Variants in SH2D4A observed in about 807,000 individuals in gnomAD.
SH2D4A encodes the protein SH2 domain containing 4A.
Under a neutral mutation model 64.7 loss-of-function variants are expected in SH2D4A, and 70 were observed. The observed-to-expected ratio is 1.08, with a 90% confidence interval of 0.89 to 1.32. SH2D4A has a LOEUF of 1.32. Ranked by LOEUF, SH2D4A falls within the 40% of genes most tolerant of loss-of-function variation. The pLI, the probability that SH2D4A is intolerant of heterozygous loss-of-function variation, is 0.00. For missense variants in SH2D4A, 706 were observed against 540.1 expected, an observed-to-expected ratio of 1.31 and a Z score of -3.04; for synonymous variants, 268 against 200.7, an observed-to-expected ratio of 1.34 and a Z score of -2.83.
At chr8:19,324,997 T>G (rs61034080) in intron 2 of SH2D4A, among the ~76,000 whole-genome samples, 81,381 of 151,942 alleles carry the variant, frequency 0.54, 23,180 homozygotes, top group Non-Finnish European at 0.62. Context: ...GAGTGTTGGT[T>G]GCCTGGTGAG....
chr8:19,328,098 C>G, intron 2 of SH2D4A, among the ~76,000 whole-genome samples: 1 of 152,116 alleles, frequency 6.6e-6, no homozygotes. Context: ...TCAATCAGGA[C>G]TCTCTTTTCC....
At chr8:19,384,759 T>C (rs1166407014) in intron 8 of SH2D4A, among the ~76,000 whole-genome samples, 3 of 152,150 alleles carry the variant, frequency 2.0e-5, no homozygotes, top group Non-Finnish European at 4.4e-5. Flanking sequence ...AAAGAATAAA[T>C]AAAATTGAGA....
At chr8:19,355,062 A>G (rs1393653621) in intron 4 of SH2D4A, among the ~76,000 whole-genome samples, 6 of 152,344 alleles carry the variant, frequency 3.9e-5, no homozygotes, top group Admixed American at 3.3e-4. Context: ...AAATGAAAGT[A>G]TGATAAGTAG....
rs935184413 is a variant in SH2D4A, at chr8:19,395,681, C to G, written c.*1039C>G. The stretch of plus-strand genomic sequence containing the variant: ...GAAGGGAAGGGACACCAAGGATCTC[C>G]GGCCACCAGCAGAAGCCAGCAGAGA... On this transcript the variant is annotated 3_prime_UTR_variant, in exon 10 of 10. Coordinates refer to ENST00000265807, the MANE Select transcript of SH2D4A (RefSeq NM_022071.4). 7 of 152,148 alleles carry G rather than the reference C, an allele frequency of 4.6e-5. No homozygotes were observed. Among genetic ancestry groups the G allele is most frequent in the African/African-American group, 1.7e-4 (7 of 41,422 alleles). The allele number at this position is 152,148 out of a possible 1,614,324, so 9.4% of individuals were successfully genotyped here.
rs369286665 is a variant in SH2D4A, at chr8:19,351,854, G to A, written c.514-5349G>A. Among the ~76,000 whole-genome samples, 12 of 152,098 alleles carry A rather than the reference G, an allele frequency of 7.9e-5. No individual in the cohort carries two copies. In the East Asian group the frequency reaches 1.8e-3, roughly 22 times the overall value. On this transcript the variant is annotated intron_variant, in intron 4 of 9. Transcript: ENST00000265807. Reference sequence around the variant, plus strand: ...GCTGGAGTGCAGTGGTGAGATCTTGGCTCACTGCAACCTCTGCCTCTCGGG... The same window carrying A: ...GCTGGAGTGCAGTGGTGAGATCTTGACTCACTGCAACCTCTGCCTCTCGGG...
At chr8:19,387,711 C>G (rs1384295306) in intron 8 of SH2D4A, among the ~76,000 whole-genome samples, 2 of 152,190 alleles carry the variant, frequency 1.3e-5, no homozygotes, top group Non-Finnish European at 2.9e-5. Flanking sequence ...AAATCTGAGT[C>G]TCCCCATTAA....
At chr8:19,372,020 G>A (rs1382857970) in intron 7 of SH2D4A, among the ~76,000 whole-genome samples, 1 of 151,988 alleles carries the variant, frequency 6.6e-6, no homozygotes, top group Non-Finnish European at 1.5e-5. Flanking sequence ...ATGACTTTAG[G>A]CTTGACCTGT....
chr8:19,384,218 A>G (rs1272571181), intron 8 of SH2D4A, among the ~76,000 whole-genome samples: 1 of 152,334 alleles, frequency 6.6e-6, no homozygotes, highest in East Asian at 1.9e-4. Flanking sequence ...ATTTGGAAGG[A>G]CAGAGGGTCA....
rs750399066 is a variant in SH2D4A, at chr8:19,394,586, C to T, written c.1309C>T (p.Leu437Phe). ...CACTTCCCTGGGGAAGGAGCTCCTT[C>T]TCTATCCCTGTGGTCAGCAGGACCA... Reference protein sequence around the residue: ...PITSLGKELLLYPCGQQDQLP... With the variant: ...PITSLGKELLFYPCGQQDQLP... Residue 437 changes from leucine to phenylalanine, a missense_variant, in exon 10 of 10, where the codon CTC (leucine) becomes TTC (phenylalanine). Leu to Phe is a conservative substitution (Grantham distance 22). Coordinates refer to ENST00000265807, the MANE Select transcript of SH2D4A (RefSeq NM_022071.4). The T allele has an allele frequency of 2.5e-6, 4 of 1,608,316 alleles. No individual in the cohort carries two copies. Among genetic ancestry groups the T allele is most frequent in the African/African-American group, 1.3e-5 (1 of 74,902 alleles).
chr8:19,346,002 A>C (rs1453581911), intron 4 of SH2D4A, among the ~76,000 whole-genome samples: 1 of 152,250 alleles, frequency 6.6e-6, no homozygotes, highest in Non-Finnish European at 1.5e-5. Context: ...CTATGCACGC[A>C]TGACAATCTT....
chr8:19,334,949 G>A, intron 4 of SH2D4A, 92 bp downstream of exon 4: 1 of 1,418,522 alleles, frequency 7.0e-7, no homozygotes, highest in Non-Finnish European at 9.4e-7. Context: ...TGAGTGTCAG[G>A]ATCCTCCAGT....
chr8:19,390,462 C>T (rs773507478), intron 8 of SH2D4A, among the ~76,000 whole-genome samples: 1 of 152,138 alleles, frequency 6.6e-6, no homozygotes, highest in South Asian at 2.1e-4. Context: ...AGCAGATGAA[C>T]CTCATTGCTT....
intron 8 of SH2D4A, among the ~76,000 whole-genome samples, chr8:19,391,066 C>T (rs1468247033): frequency 1.3e-5 from 2 of 152,146 alleles, no homozygotes; most frequent in Non-Finnish European, 2.9e-5. Flanking sequence ...TGCTTCTCCT[C>T]CGGTCGTGGC....
chr8:19,330,175 G>A (rs1164471591), intron 2 of SH2D4A, among the ~76,000 whole-genome samples: 1 of 152,158 alleles, frequency 6.6e-6, no homozygotes, highest in African/African-American at 2.4e-5. Context: ...CGAAGGCCTT[G>A]AGAGTCATCC....
chr8:19,318,583 A>G (rs1056671371), intron 1 of SH2D4A, among the ~76,000 whole-genome samples: 5 of 152,194 alleles, frequency 3.3e-5, no homozygotes, highest in African/African-American at 1.2e-4. Context: ...TTATGAACCT[A>G]ATGACCTCTT....
At chr8:19,388,521 G>C (rs955529908) in intron 8 of SH2D4A, among the ~76,000 whole-genome samples, 1 of 152,162 alleles carries the variant, frequency 6.6e-6, no homozygotes, top group Non-Finnish European at 1.5e-5. Context: ...CCAATTATTT[G>C]AGGATAATAA....
chr8:19,366,435 C>T lies in SH2D4A; in HGVS notation c.917+2153C>T, dbSNP rs201096951. Among the ~76,000 whole-genome samples the T allele has an allele frequency of 7.2e-5, 11 of 152,222 alleles. No individual in the cohort carries two copies. The East Asian group carries it at 1.5e-3, about 21-fold the overall frequency. On this transcript the variant is annotated intron_variant, in intron 7 of 9. Coordinates refer to ENST00000265807, the MANE Select transcript of SH2D4A (RefSeq NM_022071.4). The stretch of plus-strand genomic sequence containing the variant: ...TCTCACTGTAACTGCGCCAGTTGAC[C>T]AACCTCTCCCTATTTACCATCCCCC...
intron 9 of SH2D4A, among the ~76,000 whole-genome samples, chr8:19,394,317 G>A (rs2053549993): frequency 6.6e-6 from 1 of 152,288 alleles, no homozygotes; most frequent in Middle Eastern, 3.4e-3. Flanking sequence ...ATGGCCCTGG[G>A]GTTGGGGACC....
intron 8 of SH2D4A, among the ~76,000 whole-genome samples, chr8:19,379,902 A>AT (rs2053264207): frequency 6.6e-6 from 1 of 152,008 alleles, no homozygotes; most frequent in South Asian, 2.1e-4. Flanking sequence ...TGACTGGCTA[A>AT]TTTTTTTATT....
Sources: gnomAD v4.1 joint callset for allele counts (sites outside exome capture counted in the v4.1 genomes callset) on GRCh38, gnomAD v4.1.1 for gene constraint, MANE v1.5 for transcripts, NCBI Gene and HGNC (gene_info 2026-07-23, HGNC 2026-07-21) for gene names.